The following EXOC6B variants were observed in gnomAD, a reference collection of about 807,000 sequenced individuals.
EXOC6B encodes SEC15 homolog B.
Under a neutral mutation model 113.5 loss-of-function variants are expected in EXOC6B, and 54 were observed. The ratio of observed to expected loss-of-function variants is 0.48; its 90% CI spans 0.38 to 0.60. The LOEUF (loss-of-function observed/expected upper bound fraction) is 0.60. Ranked by LOEUF, EXOC6B falls within the 20% of genes least tolerant of loss-of-function variation. EXOC6B has a pLI of 0.00. For synonymous variants in EXOC6B, 357 were observed against 339.0 expected (o/e 1.05, Z -0.58); for missense variants, 797 against 977.5 (o/e 0.82, Z 2.46).
chr2:72,605,872 T>G (rs1468967894), intron 6 of EXOC6B, among the ~76,000 whole-genome samples: 1 of 152,142 alleles, frequency 6.6e-6, no homozygotes, highest in African/African-American at 2.4e-5. Flanking sequence ...ATAACCACCT[T>G]TACCTCAATC....
At chr2:72,653,173 T>C (rs966467799) in intron 6 of EXOC6B, among the ~76,000 whole-genome samples, 14 of 151,314 alleles carry the variant, frequency 9.3e-5, no homozygotes, top group African/African-American at 2.4e-4. Context: ...CCAACAATGA[T>C]AGACTGGATT....
At chr2:72,814,580 G>A (rs1470846538) in intron 1 of EXOC6B, among the ~76,000 whole-genome samples, 1 of 152,176 alleles carries the variant, frequency 6.6e-6, no homozygotes, top group Admixed American at 6.5e-5. Context: ...GTTTCACTGC[G>A]TAATGTATAT....
chr2:72,698,295 T>C (rs894560748), intron 6 of EXOC6B, among the ~76,000 whole-genome samples: 2 of 152,162 alleles, frequency 1.3e-5, no homozygotes, highest in Non-Finnish European at 2.9e-5. Flanking sequence ...GACAGATAAT[T>C]AAGGAACAAG....
chr2:72,380,028 C>T (rs1004399118), intron 18 of EXOC6B, among the ~76,000 whole-genome samples, 158 bp from the exon 19 acceptor site: 1 of 152,158 alleles, frequency 6.6e-6, no homozygotes, highest in Non-Finnish European at 1.5e-5. Flanking sequence ...GGAATTAAAG[C>T]ATCTGATGGC....
intron 6 of EXOC6B, among the ~76,000 whole-genome samples, chr2:72,594,672 C>G (rs1166185091): frequency 6.6e-6 from 1 of 152,090 alleles, no homozygotes; most frequent in African/African-American, 2.4e-5. Context: ...GCTAAATGAC[C>G]ACTATAATGT....
chr2:72,689,240 A>G (rs549725307), intron 6 of EXOC6B, among the ~76,000 whole-genome samples: 85 of 152,284 alleles, frequency 5.6e-4, no homozygotes, highest in African/African-American at 1.8e-3. Context: ...GGTAAATGCA[A>G]CCTGAATGTC....
chr2:72,487,357 G>GTTTTGT (rs976012982), intron 16 of EXOC6B, among the ~76,000 whole-genome samples: 4 of 151,414 alleles, frequency 2.6e-5, no homozygotes, highest in Non-Finnish European at 5.9e-5. Flanking sequence ...GTTTTGTTTT[G>GTTTTGT]TTTTGTTTTT....
intron 6 of EXOC6B, among the ~76,000 whole-genome samples, chr2:72,707,500 G>A (rs111601885): frequency 6.6e-6 from 1 of 150,584 alleles, no homozygotes; most frequent in Non-Finnish European, 1.5e-5. Flanking sequence ...TGCAACCTCC[G>A]CCTCCCAGGT....
chr2:72,310,341 A>C (rs1398623446), intron 20 of EXOC6B, among the ~76,000 whole-genome samples: 1 of 152,180 alleles, frequency 6.6e-6, no homozygotes, highest in Admixed American at 6.5e-5. Context: ...TGGTGGGTAT[A>C]AAGTGGTATC....
intron 18 of EXOC6B, chr2:72,463,905 G>A (rs1183325840): frequency 2.0e-5 from 3 of 152,172 alleles, no homozygotes; most frequent in Non-Finnish European, 4.4e-5. Flanking sequence ...GTCTGATGAA[G>A]GCCTATTTCC....
chr2:72,722,278 A>G (rs542756202), intron 5 of EXOC6B, among the ~76,000 whole-genome samples: 215 of 152,204 alleles, frequency 1.4e-3, no homozygotes, highest in African/African-American at 5.1e-3. Flanking sequence ...CCTAATTTCC[A>G]TGTTTCCCAT....
intron 18 of EXOC6B, among the ~76,000 whole-genome samples, chr2:72,405,497 G>A (rs1049740215): frequency 1.6e-4 from 24 of 152,162 alleles, no homozygotes; most frequent in Admixed American, 1.1e-3. Flanking sequence ...GACTAGTTGC[G>A]GATCTCTTGG....
chr2:72,286,806 G>C (rs1300134053), intron 20 of EXOC6B, among the ~76,000 whole-genome samples: 1 of 151,932 alleles, frequency 6.6e-6, no homozygotes, highest in Non-Finnish European at 1.5e-5. Context: ...TAAAATTGCT[G>C]TAAAAATACG....
At chr2:72,677,590 G>C (rs1676406974) in intron 6 of EXOC6B, among the ~76,000 whole-genome samples, 2 of 152,018 alleles carry the variant, frequency 1.3e-5, no homozygotes, top group South Asian at 4.2e-4. Flanking sequence ...AGCTTCAGTG[G>C]GCCTAGAAGT....
At chr2:72,375,983 T>A (rs1026445923) in intron 19 of EXOC6B, among the ~76,000 whole-genome samples, 1 of 152,154 alleles carries the variant, frequency 6.6e-6, no homozygotes, top group Non-Finnish European at 1.5e-5. Context: ...CTTTACAGCC[T>A]AGCCTCAGAG....
At chr2:72,558,549 G>T (rs958428530) in intron 8 of EXOC6B, among the ~76,000 whole-genome samples, 6 of 152,020 alleles carry the variant, frequency 3.9e-5, no homozygotes, top group Non-Finnish European at 8.8e-5. Flanking sequence ...GACGGTGGAT[G>T]ACCTGAGGTC....
chr2:72,810,381 AAAT>A (rs1385714751), intron 1 of EXOC6B, among the ~76,000 whole-genome samples: 55 of 145,728 alleles, frequency 3.8e-4, no homozygotes, highest in South Asian at 1.3e-3. Context: ...ATAAATAAAT[AAAT>A]AAAATACAGT....
intron 6 of EXOC6B, among the ~76,000 whole-genome samples, chr2:72,717,358 C>T (rs1398614464): frequency 6.6e-6 from 1 of 152,164 alleles, no homozygotes; most frequent in African/African-American, 2.4e-5. Context: ...GTTTACAGAA[C>T]CAAAAAGTAC....
chr2:72,349,257 G>GCATA (rs1215963956), intron 19 of EXOC6B, among the ~76,000 whole-genome samples: 1 of 152,180 alleles, frequency 6.6e-6, no homozygotes, highest in Non-Finnish European at 1.5e-5. Flanking sequence ...CTGGCTCCTG[G>GCATA]CATAGAGCTT....
Sources: allele counts gnomAD v4.1 joint callset (sites outside exome capture counted in the v4.1 genomes callset), GRCh38; gene constraint gnomAD v4.1.1; transcripts MANE v1.5; gene names NCBI Gene and HGNC (gene_info 2026-07-23, HGNC 2026-07-21).